GRIK1: variants seen among roughly 807,000 people sequenced by gnomAD.
GRIK1 encodes the protein glutamate ionotropic receptor kainate type subunit 1, also known as glutamate receptor ionotropic, kainate 1.
In GRIK1, 69 loss-of-function variants were observed where a neutral mutation model predicts 105.7. The ratio of observed to expected loss-of-function variants is 0.65; its 90% CI spans 0.54 to 0.80. GRIK1 has a LOEUF of 0.80. Among genes scored for constraint, GRIK1 ranks in the 30% least tolerant of loss-of-function variants. The pLI is 0.00. For missense variants in GRIK1, 1,109 were observed against 1,167.3 expected (o/e 0.95, Z 0.73); for synonymous variants, 438 against 431.3 (o/e 1.02, Z -0.19).
intron 1 of GRIK1, among the ~76,000 whole-genome samples, chr21:29,928,380 C>G (rs1290539368): frequency 6.6e-6 from 1 of 152,186 alleles, no homozygotes; most frequent in African/African-American, 2.4e-5. Flanking sequence ...CATCTTTCTT[C>G]CCCTTCGAGT....
intron 15 of GRIK1, among the ~76,000 whole-genome samples, chr21:29,557,946 C>T (rs1164658765): frequency 6.6e-6 from 1 of 152,186 alleles, no homozygotes; most frequent in Non-Finnish European, 1.5e-5. Context: ...TGATGCTTTC[C>T]TTCTGCCTCC....
intron 12 of GRIK1, among the ~76,000 whole-genome samples, chr21:29,581,756 A>G (rs2091028072): frequency 6.6e-6 from 1 of 152,180 alleles, no homozygotes; most frequent in African/African-American, 2.4e-5. Context: ...TCTTATTTAT[A>G]GGCAAATTGG....
At chr21:29,696,033 C>A (rs1227355747) in intron 1 of GRIK1, among the ~76,000 whole-genome samples, 1 of 152,142 alleles carries the variant, frequency 6.6e-6, no homozygotes, top group African/African-American at 2.4e-5. Context: ...TTACCCTGAT[C>A]CTACTTTGAA....
chr21:29,579,238 A>T (rs1332222502), intron 13 of GRIK1, among the ~76,000 whole-genome samples: 1 of 152,200 alleles, frequency 6.6e-6, no homozygotes, highest in Non-Finnish European at 1.5e-5. Context: ...TAGACTTCTC[A>T]ATGTTTCTTC....
At chr21:29,560,022 GT>G (rs2090352154) in intron 15 of GRIK1, among the ~76,000 whole-genome samples, 1 of 152,062 alleles carries the variant, frequency 6.6e-6, no homozygotes, top group South Asian at 2.1e-4. Context: ...AAGCATTTTA[GT>G]TTGTGATCCC....
chr21:29,658,096 T>C (rs894734072), intron 4 of GRIK1, among the ~76,000 whole-genome samples: 1 of 152,124 alleles, frequency 6.6e-6, no homozygotes, highest in African/African-American at 2.4e-5. Context: ...GAACCATCTC[T>C]GGCTTTACTT....
chr21:29,723,640 G>A (rs1257204718), intron 1 of GRIK1, among the ~76,000 whole-genome samples: 3 of 152,176 alleles, frequency 2.0e-5, no homozygotes, highest in Non-Finnish European at 4.4e-5. Flanking sequence ...ATTTTAGAGT[G>A]CAGTTTTTCT....
At chr21:29,848,226 T>C (rs1272195223) in intron 1 of GRIK1, among the ~76,000 whole-genome samples, 1 of 152,156 alleles carries the variant, frequency 6.6e-6, no homozygotes, top group African/African-American at 2.4e-5. Flanking sequence ...TGCTAAATTC[T>C]CTTTCTGTCC....
At chr21:29,787,971 T>C (rs2066305015) in intron 1 of GRIK1, among the ~76,000 whole-genome samples, 1 of 152,240 alleles carries the variant, frequency 6.6e-6, no homozygotes, top group Non-Finnish European at 1.5e-5. Flanking sequence ...AGAATCTTTG[T>C]ACGAAGTTTC....
chr21:29,750,334 A>G lies in GRIK1; in HGVS notation c.119-56271T>C, dbSNP rs912558084. ...ATATGTACCTACTCTACATTTGCCA[A>G]CTCCAACTCTGGATGCATTCTAAAG... is the stretch of plus-strand genomic sequence containing the variant. On this transcript the variant is annotated intron_variant, in intron 1 of 17. Coordinates refer to ENST00000327783, the MANE Select transcript of GRIK1 (RefSeq NM_001330994.2). Among the ~76,000 whole-genome samples the G allele has an allele frequency of 4.9e-5, 7 of 142,892 alleles. No homozygotes were observed. In the South Asian group the frequency reaches 1.3e-3, roughly 27 times the overall value. The allele number at this position is 142,892 out of a possible 152,430, so 93.7% of individuals were successfully genotyped here. A position where few individuals can be genotyped will look rare whatever the true frequency, so the allele number is the denominator to read the frequency against.
At chr21:29,760,305 G>T (rs462606) in intron 1 of GRIK1, 25,711 of 152,258 alleles carry the variant, frequency 0.17, 2,140 homozygotes, top group Non-Finnish European at 0.18. Flanking sequence ...ACCCTCATTG[G>T]TGGAGACAAA....
chr21:29,778,435 T>C (rs570921422), intron 1 of GRIK1, among the ~76,000 whole-genome samples: 1 of 152,348 alleles, frequency 6.6e-6, no homozygotes, highest in East Asian at 1.9e-4. Flanking sequence ...GACTCAGTGC[T>C]TCCTAAGAGC....
chr21:29,939,656 T>C lies in GRIK1; in HGVS notation c.-156A>G. The C allele has an allele frequency of 3.7e-6, 2 of 536,180 alleles. No individual in the cohort carries two copies. The highest frequency in any genetic ancestry group is 4.0e-5 in the African/African-American group (2 of 49,812). 33.2% of individuals were successfully genotyped at this position (536,180 alleles called of 1,614,324 possible). On this transcript the variant is annotated 5_prime_UTR_variant, in exon 1 of 18. Transcript: ENST00000327783. ...CGGAGCGAGCTCGAGGGAACCCGCGTGGGACCGCGGAGCTGGCTGGCAAGG... is the reference window on the plus strand; with the variant it reads ...CGGAGCGAGCTCGAGGGAACCCGCGCGGGACCGCGGAGCTGGCTGGCAAGG...
intron 4 of GRIK1, among the ~76,000 whole-genome samples, chr21:29,666,729 T>C (rs2063065986): frequency 6.6e-6 from 1 of 152,240 alleles, no homozygotes; most frequent in South Asian, 2.1e-4. Flanking sequence ...AAGCTAGACA[T>C]GATTAGATGT....
chr21:29,579,405 A>T lies in GRIK1; in HGVS notation c.1912+2020T>A, dbSNP rs3761340. Among the ~76,000 whole-genome samples the T allele has an allele frequency of 5.1e-4, 78 of 152,316 alleles. No individual in the cohort carries two copies. In the East Asian group the frequency reaches 0.015, roughly 29 times the overall value. On this transcript the variant is annotated intron_variant, in intron 13 of 17. Coordinates refer to ENST00000327783, the MANE Select transcript of GRIK1 (RefSeq NM_001330994.2). Reference sequence around the variant, plus strand: ...AACATTAAAAGTTGAGTAAAACATTACTAGAAAATATTTGGGATGAGAGAC... The same window carrying T: ...AACATTAAAAGTTGAGTAAAACATTTCTAGAAAATATTTGGGATGAGAGAC...
chr21:29,729,970 G>C (rs1192222855), intron 1 of GRIK1, among the ~76,000 whole-genome samples: 3 of 152,166 alleles, frequency 2.0e-5, no homozygotes, highest in African/African-American at 7.2e-5. Context: ...AAAGAAGAAA[G>C]CAAATGCCAA....
chr21:29,604,129 G>C (rs117309036), intron 7 of GRIK1, among the ~76,000 whole-genome samples: 1 of 152,122 alleles, frequency 6.6e-6, no homozygotes, highest in East Asian at 1.9e-4. Flanking sequence ...TATTGTGTCC[G>C]TTTGTTTGGA....
At position 29,537,860 on chromosome 21, in the gene GRIK1, A is replaced by G. The variant is rs2089906070; in HGVS notation, c.2632T>C (p.Phe878Leu). ...EQKGKSSRIR[F>L]YFRNKVRFHG... Reference sequence around the variant, plus strand: ...AACCTTACTTTGTTCCTAAAATAAAATCTAATTCTTGATGACTTTCCTTTC... The same window carrying G: ...AACCTTACTTTGTTCCTAAAATAAAGTCTAATTCTTGATGACTTTCCTTTC... Residue 878 changes from phenylalanine (F) to leucine (L), a missense_variant, in exon 17 of 18, where the codon TTT becomes CTT. Around this residue, in one of 5 missense-constraint regions of GRIK1, gnomAD observed 161 missense variants for 143.4 expected, o/e 1.12. Transcript: ENST00000327783. 1 of 1,451,890 alleles carries G rather than the reference A, an allele frequency of 6.9e-7. No homozygotes were observed. The highest frequency in any genetic ancestry group is 1.7e-4 in the Middle Eastern group (1 of 5,740). 89.9% of individuals were successfully genotyped at this position (1,451,890 alleles called of 1,614,324 possible). A position where few individuals can be genotyped will look rare whatever the true frequency, so the allele number is the denominator to read the frequency against.
At chr21:29,855,628 G>A (rs1261174866) in intron 1 of GRIK1, among the ~76,000 whole-genome samples, 1 of 152,214 alleles carries the variant, frequency 6.6e-6, no homozygotes, top group Admixed American at 6.5e-5. Flanking sequence ...GTTTTAAGCA[G>A]ATTAGTGGGA....
Sources: gnomAD v4.1 joint callset for allele counts (sites outside exome capture counted in the v4.1 genomes callset) on GRCh38, gnomAD v4.1.1 for gene constraint, gnomAD v4.1.1 regional missense constraint, MANE v1.5 for transcripts, NCBI Gene and HGNC (gene_info 2026-07-23, HGNC 2026-07-21) for gene names.